The following DPP10 variants were observed in gnomAD, a reference collection of about 807,000 sequenced individuals.
DPP10 encodes the protein inactive dipeptidyl peptidase 10.
DPP10 carries 33 observed loss-of-function variants against 120.9 expected under a neutral mutation model. The ratio of observed to expected loss-of-function variants is 0.27; its 90% CI spans 0.21 to 0.37. DPP10 has a LOEUF of 0.37. DPP10 is among the 10% of genes least tolerant of loss of function. The pLI is 1.00. For missense variants in DPP10, 816 were observed against 942.8 expected (o/e 0.87, Z 1.76); for synonymous variants, 337 against 326.1 (o/e 1.03, Z -0.36).
At chr2:114,534,047 C>A (rs758748568) in intron 1 of DPP10, among the ~76,000 whole-genome samples, 19 of 152,178 alleles carry the variant, frequency 1.2e-4, no homozygotes, top group Non-Finnish European at 2.5e-4. Context: ...CTTTGTTCTA[C>A]TTTACAGTAT....
intron 3 of DPP10, among the ~76,000 whole-genome samples, chr2:115,427,839 T>C (rs2070622924): frequency 6.6e-6 from 1 of 152,330 alleles, no homozygotes; most frequent in South Asian, 2.1e-4. Context: ...CTGCACATTT[T>C]CCAAATTTTT....
At chr2:115,675,108 A>G (rs2090158965) in intron 5 of DPP10, among the ~76,000 whole-genome samples, 1 of 152,210 alleles carries the variant, frequency 6.6e-6, no homozygotes, top group Non-Finnish European at 1.5e-5. Flanking sequence ...CTTTTAAAAT[A>G]AAAACATTGA....
At chr2:115,016,817 A>G (rs1702676337) in intron 1 of DPP10, among the ~76,000 whole-genome samples, 2 of 152,158 alleles carry the variant, frequency 1.3e-5, no homozygotes, top group South Asian at 4.1e-4. Flanking sequence ...CAAATGTCCA[A>G]CAATGATAGA....
intron 21 of DPP10, among the ~76,000 whole-genome samples, chr2:115,827,412 G>GTATATATATATATATA (rs1164585822): frequency 1.2e-5 from 1 of 81,936 alleles, no homozygotes; most frequent in African/African-American, 4.3e-5. Context: ...GTATGTGTGT[G>GTATATATATATATATA]TGTATATATA....
intron 3 of DPP10, among the ~76,000 whole-genome samples, chr2:115,417,218 G>T (rs1322257038): frequency 6.6e-6 from 1 of 152,220 alleles, no homozygotes; most frequent in East Asian, 1.9e-4. Context: ...ATTACTATGT[G>T]TTGTATATTA....
At chr2:114,460,179 ATC>A (rs1678806958) in intron 1 of DPP10, among the ~76,000 whole-genome samples, 1 of 75,548 alleles carries the variant, frequency 1.3e-5, no homozygotes, top group Non-Finnish European at 3.4e-5. Context: ...ATATCTATCT[ATC>A]TATCTATCTA....
chr2:115,084,518 T>C (rs1186030264), intron 1 of DPP10, among the ~76,000 whole-genome samples: 1 of 152,224 alleles, frequency 6.6e-6, no homozygotes, highest in Non-Finnish European at 1.5e-5. Flanking sequence ...GGTACTATGA[T>C]TGCAGTGCCT....
intron 1 of DPP10, among the ~76,000 whole-genome samples, chr2:114,620,391 GCTGTTAAT>G (rs1184127857): frequency 6.6e-6 from 1 of 151,950 alleles, no homozygotes; most frequent in Non-Finnish European, 1.5e-5. Context: ...TTGCCTACAG[GCTGTTAAT>G]TATCGCCTTA....
chr2:115,761,018 A>T (rs1180898992), intron 11 of DPP10, among the ~76,000 whole-genome samples: 1 of 151,228 alleles, frequency 6.6e-6, no homozygotes, highest in Admixed American at 6.6e-5. Context: ...AATTGCTTGA[A>T]CTTGGGAGGC....
Position 115,840,754 on chromosome 2 carries a change from A to G in DPP10, c.2187A>G (p.Lys729=). The change falls in exon 25 of 26, where the codon AAA becomes AAG. Residue 729 remains lysine, a synonymous_variant. Transcript: ENST00000410059. ...TCATAATTTGATTTCTTGCAGCAAA[A>G]GTTCATTTCCAACACTCAGCAGAAT... ...ILIIHGTADT[K]VHFQHSAELI... 2.5e-6 allele frequency: 4 copies of G among 1,613,506 alleles called. No individual in the cohort carries two copies. The highest frequency in any genetic ancestry group is 3.4e-6 in the Non-Finnish European group (4 of 1,179,770).
At chr2:115,516,294 C>G (rs943250418) in intron 4 of DPP10, among the ~76,000 whole-genome samples, 1 of 152,092 alleles carries the variant, frequency 6.6e-6, no homozygotes, top group African/African-American at 2.4e-5. Context: ...CTAAATTGGA[C>G]TTGATTTTAT....
chr2:114,696,099 A>T (rs189232595), intron 1 of DPP10, among the ~76,000 whole-genome samples: 2 of 152,078 alleles, frequency 1.3e-5, no homozygotes, highest in East Asian at 3.9e-4. Flanking sequence ...TTTGTTATTG[A>T]GGTTCTTCAG....
In DPP10 at chr2:115,353,051, C is replaced by G. The variant is rs898230233; in HGVS notation, c.271+9139C>G. 5.3e-5 allele frequency among the ~76,000 whole-genome samples: 8 copies of G among 151,756 alleles called. No homozygotes were observed. In the East Asian group the frequency reaches 1.5e-3, roughly 29 times the overall value. ...TTATGGTACCCAGAGACTATAGAAACTAGATCAAAATAATAGGCCTAAAAC... is the reference window on the plus strand; with the variant it reads ...TTATGGTACCCAGAGACTATAGAAAGTAGATCAAAATAATAGGCCTAAAAC... On this transcript the variant is annotated intron_variant, in intron 3 of 25. Coordinates refer to ENST00000410059, the MANE Select transcript of DPP10 (RefSeq NM_020868.6).
intron 1 of DPP10, among the ~76,000 whole-genome samples, chr2:114,753,839 G>T (rs144672804): frequency 0.017 from 2,507 of 150,000 alleles, 68 homozygotes; most frequent in African/African-American, 0.058. Context: ...AACCCGGGAG[G>T]GGGAGCTTGC....
At chr2:114,602,565 T>C (rs776851135) in intron 1 of DPP10, among the ~76,000 whole-genome samples, 14 of 152,062 alleles carry the variant, frequency 9.2e-5, no homozygotes, top group Non-Finnish European at 1.6e-4. Context: ...TCTCAACCTA[T>C]ATCTGTGAAT....
intron 1 of DPP10, among the ~76,000 whole-genome samples, chr2:114,713,656 C>T (rs1482068027): frequency 1.3e-5 from 2 of 152,030 alleles, no homozygotes; most frequent in Non-Finnish European, 2.9e-5. Flanking sequence ...GTTTGCTTGC[C>T]CATCATTTTC....
intron 5 of DPP10, among the ~76,000 whole-genome samples, chr2:115,661,132 G>A (rs1028556915): frequency 6.6e-6 from 1 of 151,932 alleles, no homozygotes; most frequent in Non-Finnish European, 1.5e-5. Flanking sequence ...TGTATTTTTA[G>A]TAGGGACCAG....
rs568930995 is a variant in DPP10 at position 114,699,986 on chromosome 2, G to A, written c.60+257148G>A. Among the ~76,000 whole-genome samples, 10 of 152,206 alleles carry A rather than the reference G, an allele frequency of 6.6e-5. 1 individual carries two copies. In the South Asian group the frequency reaches 2.1e-3, roughly 32 times the overall value. The stretch of plus-strand genomic sequence containing the variant: ...CTGGCTACCGTGAAAGGAGAGCCCC[G>A]TGGTAGATGGACATTAAGGCTGTAC... On this transcript the variant is annotated intron_variant, in intron 1 of 25. Transcript: ENST00000410059.
chr2:114,745,130 G>A (rs1464461958), intron 1 of DPP10, among the ~76,000 whole-genome samples: 2 of 152,142 alleles, frequency 1.3e-5, no homozygotes, highest in Non-Finnish European at 2.9e-5. Context: ...AGAATATCTT[G>A]ATAATTGAAG....
Sources: allele counts gnomAD v4.1 joint callset (sites outside exome capture counted in the v4.1 genomes callset), GRCh38; gene constraint gnomAD v4.1.1; transcripts MANE v1.5; gene names NCBI Gene and HGNC (gene_info 2026-07-23, HGNC 2026-07-21).